NTM: variants seen among roughly 807,000 people sequenced by gnomAD.
The protein encoded by NTM is IgLON family member 2.
In NTM, 13 loss-of-function variants were observed where a neutral mutation model predicts 42.1. The ratio of observed to expected loss-of-function variants is 0.31; its 90% CI spans 0.20 to 0.49. The LOEUF is 0.49. Ranked by LOEUF, NTM falls within the 20% of genes least tolerant of loss-of-function variation. The pLI, the probability that NTM is intolerant of heterozygous loss-of-function variation, is 0.99. For missense variants in NTM, 373 were observed against 452.8 expected (o/e 0.82, Z 1.60); for synonymous variants, 187 against 179.2 (o/e 1.04, Z -0.35).
At chr11:131,914,091 G>T (rs964571513) in intron 2 of NTM, among the ~76,000 whole-genome samples, 1 of 152,174 alleles carries the variant, frequency 6.6e-6, no homozygotes, top group Admixed American at 6.5e-5. Context: ...CTCAAACATA[G>T]GTCCTGCATT....
At chr11:132,088,249 G>C (rs974518987) in intron 2 of NTM, among the ~76,000 whole-genome samples, 1 of 152,160 alleles carries the variant, frequency 6.6e-6, no homozygotes, top group African/African-American at 2.4e-5. Flanking sequence ...TGAGTGGGGT[G>C]GGGGACGTGG....
intron 1 of NTM, among the ~76,000 whole-genome samples, chr11:131,451,394 T>C (rs963193520): frequency 2.0e-5 from 3 of 152,202 alleles, no homozygotes; most frequent in Non-Finnish European, 4.4e-5. Flanking sequence ...CAGGTGCTAA[T>C]TATGCAGTGC....
intron 1 of NTM, among the ~76,000 whole-genome samples, chr11:131,617,888 G>GGGAGGGCGAGC (rs2062105986): frequency 6.6e-6 from 1 of 152,188 alleles, no homozygotes; most frequent in Non-Finnish European, 1.5e-5. Flanking sequence ...GCAGGGGGTT[G>GGGAGGGCGAGC]GGAGGGCGAG....
At chr11:131,709,358 G>C (rs376196127) in intron 1 of NTM, among the ~76,000 whole-genome samples, 60 of 152,274 alleles carry the variant, frequency 3.9e-4, no homozygotes, top group African/African-American at 1.4e-3. Context: ...AGGCTCCAGG[G>C]GGCAAGAGTG....
chr11:131,724,816 TG>T (rs1467904820), intron 1 of NTM, among the ~76,000 whole-genome samples: 2 of 152,078 alleles, frequency 1.3e-5, no homozygotes, highest in Non-Finnish European at 2.9e-5. Flanking sequence ...AGGCACAGCC[TG>T]GGGTGGGGAG....
chr11:131,452,891 G>T (rs185763495), intron 1 of NTM, among the ~76,000 whole-genome samples: 248 of 152,310 alleles, frequency 1.6e-3, no homozygotes, highest in Admixed American at 4.1e-3. Flanking sequence ...GTGCAGGGCT[G>T]GGGGCAAGGG....
chr11:132,076,548 C>G (rs1218750859), intron 2 of NTM, among the ~76,000 whole-genome samples: 2 of 152,140 alleles, frequency 1.3e-5, no homozygotes, highest in African/African-American at 2.4e-5. Flanking sequence ...AAAATCAAAT[C>G]TAATAAGTCA....
At chr11:132,107,314 T>A (rs1165338854) in intron 2 of NTM, among the ~76,000 whole-genome samples, 2 of 150,734 alleles carry the variant, frequency 1.3e-5, no homozygotes, top group African/African-American at 4.9e-5. Flanking sequence ...TAATGTAGAA[T>A]GGTAGTTCAA....
intron 1 of NTM, among the ~76,000 whole-genome samples, chr11:131,618,075 C>T (rs2062133857): frequency 6.6e-6 from 1 of 152,190 alleles, no homozygotes; most frequent in Non-Finnish European, 1.5e-5. Flanking sequence ...CCCAGAAAGG[C>T]TTGAGGCTGC....
chr11:131,752,921 A>C (rs542663408), intron 1 of NTM, among the ~76,000 whole-genome samples: 4 of 152,334 alleles, frequency 2.6e-5, no homozygotes, highest in Admixed American at 2.6e-4. Context: ...GCTTCTGCAC[A>C]GCAAAAGAAA....
intron 1 of NTM, among the ~76,000 whole-genome samples, chr11:131,682,403 A>G (rs1360272314): frequency 6.6e-6 from 1 of 152,186 alleles, no homozygotes; most frequent in Non-Finnish European, 1.5e-5. Flanking sequence ...CCCATTCAGA[A>G]GAGCCTTCAC....
chr11:131,934,412 G>T (rs370694267), intron 2 of NTM, among the ~76,000 whole-genome samples: 1 of 152,160 alleles, frequency 6.6e-6, no homozygotes, highest in Non-Finnish European at 1.5e-5. Context: ...ATGTTTTGAG[G>T]ATTAATTATA....
intron 4 of NTM, among the ~76,000 whole-genome samples, chr11:132,289,646 A>C (rs1044567590): frequency 6.6e-6 from 1 of 152,252 alleles, no homozygotes; most frequent in Admixed American, 6.5e-5. Flanking sequence ...AAAGAGAAGA[A>C]AAAATGTAAT....
intron 1 of NTM, among the ~76,000 whole-genome samples, chr11:131,676,947 A>G (rs1331052499): frequency 6.6e-6 from 1 of 152,014 alleles, no homozygotes; most frequent in Non-Finnish European, 1.5e-5. Flanking sequence ...ATCTCTTTAG[A>G]CTCTTCGTAT....
chr11:131,615,694 G>A (rs371770243), intron 1 of NTM, among the ~76,000 whole-genome samples: 3 of 152,292 alleles, frequency 2.0e-5, no homozygotes, highest in Admixed American at 6.5e-5. Flanking sequence ...ATGAACAGGG[G>A]CCTCTGTTGT....
intron 3 of NTM, among the ~76,000 whole-genome samples, chr11:132,155,951 G>A (rs1293554175): frequency 9.2e-5 from 14 of 152,176 alleles, no homozygotes; most frequent in African/African-American, 2.7e-4. Flanking sequence ...GGCTGAGAGC[G>A]ATGGCTGCAA....
At chr11:131,680,251 G>A (rs922561471) in intron 1 of NTM, among the ~76,000 whole-genome samples, 7 of 152,250 alleles carry the variant, frequency 4.6e-5, no homozygotes, top group South Asian at 2.1e-4. Flanking sequence ...AAAATGAATC[G>A]GAAAAGATAC....
chr11:132,272,376 A>G (rs2093523792), intron 4 of NTM, among the ~76,000 whole-genome samples: 1 of 152,122 alleles, frequency 6.6e-6, no homozygotes, highest in Non-Finnish European at 1.5e-5. Flanking sequence ...TTGAATTGCC[A>G]TACAAATTTT....
chr11:132,086,015 C>T (rs1301142570), intron 2 of NTM, among the ~76,000 whole-genome samples: 3 of 152,108 alleles, frequency 2.0e-5, no homozygotes, highest in Non-Finnish European at 4.4e-5. Context: ...TAGGGCCTTT[C>T]ATACATGCAT....
Sources: gnomAD v4.1 joint callset for allele counts (sites outside exome capture counted in the v4.1 genomes callset) on GRCh38, gnomAD v4.1.1 for gene constraint, MANE v1.5 for transcripts, NCBI Gene and HGNC (gene_info 2026-07-23, HGNC 2026-07-21) for gene names.